Variants in LINC00305 observed in about 807,000 individuals in gnomAD.
LINC00305 encodes long intergenic non-protein coding RNA 305.
At chr18:64,097,595 A>T (rs1269393085) in intron 3 of LINC00305, among the ~76,000 whole-genome samples, 1 of 151,912 alleles carries the variant, frequency 6.6e-6, no homozygotes, top group Non-Finnish European at 1.5e-5. Context: ...AAAGTAGAAT[A>T]TATATAAAAT....
chr18:64,081,040 A>G (rs2051183133), intron 3 of LINC00305, among the ~76,000 whole-genome samples: 1 of 152,254 alleles, frequency 6.6e-6, no homozygotes, highest in Admixed American at 6.5e-5. Flanking sequence ...AGTATTGAAA[A>G]TAGGGATAAA....
intron 1 of LINC00305, among the ~76,000 whole-genome samples, chr18:64,138,932 G>A (rs956701387): frequency 2.6e-5 from 4 of 152,100 alleles, no homozygotes; most frequent in Admixed American, 6.6e-5. Flanking sequence ...GAGTATGTGC[G>A]GGGCACAGCC....
At chr18:64,113,875 T>C (rs1043312568) in intron 1 of LINC00305, among the ~76,000 whole-genome samples, 1 of 152,220 alleles carries the variant, frequency 6.6e-6, no homozygotes, top group Non-Finnish European at 1.5e-5. Flanking sequence ...ACACTGAAAC[T>C]TGTAATTCTC....
intron 1 of LINC00305, among the ~76,000 whole-genome samples, chr18:64,144,357 G>A (rs1213411262): frequency 6.6e-6 from 1 of 152,172 alleles, no homozygotes; most frequent in Non-Finnish European, 1.5e-5. Context: ...ACAAAGGAGA[G>A]TAGGGGCATT....
intron 3 of LINC00305, among the ~76,000 whole-genome samples, chr18:64,084,104 C>G (rs1375697225): frequency 6.6e-6 from 1 of 152,188 alleles, no homozygotes; most frequent in African/African-American, 2.4e-5. Context: ...CACCTTGAAG[C>G]TAGTTCCCTT....
intron 3 of LINC00305, among the ~76,000 whole-genome samples, chr18:64,094,237 C>T (rs1256239637): frequency 6.6e-6 from 1 of 152,164 alleles, no homozygotes; most frequent in Non-Finnish European, 1.5e-5. Context: ...ATAATTTCTG[C>T]TGGAAGAGAG....
At chr18:64,100,745 A>T (rs964536573) in intron 1 of LINC00305, among the ~76,000 whole-genome samples, 3 of 152,188 alleles carry the variant, frequency 2.0e-5, no homozygotes, top group Admixed American at 1.3e-4. Context: ...AGACTCGTGC[A>T]CCTGTGTGTC....
At chr18:64,119,383 G>A (rs914597556) in intron 1 of LINC00305, among the ~76,000 whole-genome samples, 2 of 152,138 alleles carry the variant, frequency 1.3e-5, no homozygotes, top group African/African-American at 4.8e-5. Context: ...TTAGGTTGGA[G>A]ACTAGATTGA....
At chr18:64,109,434 T>C (rs1022388739) in intron 1 of LINC00305, among the ~76,000 whole-genome samples, 3 of 152,216 alleles carry the variant, frequency 2.0e-5, no homozygotes, top group Admixed American at 2.0e-4. Flanking sequence ...GGAATTACAA[T>C]TGGAACTAAC....
chr18:64,088,621 A>G (rs983975513), intron 3 of LINC00305, among the ~76,000 whole-genome samples: 1 of 152,226 alleles, frequency 6.6e-6, no homozygotes, highest in Non-Finnish European at 1.5e-5. Flanking sequence ...GTAATCATAC[A>G]TGGATTTGTC....
intron 1 of LINC00305, chr18:64,098,682 T>C: frequency 2.4e-6 from 1 of 415,410 alleles, no homozygotes; most frequent in African/African-American, 2.1e-5. Flanking sequence ...TTTCAGTGAA[T>C]GCTGCAAAAC....
chr18:64,080,596 T>C (rs931596758), intron 3 of LINC00305, among the ~76,000 whole-genome samples: 1 of 152,190 alleles, frequency 6.6e-6, no homozygotes, highest in Non-Finnish European at 1.5e-5. Context: ...GATTTTATCA[T>C]AGAATTAGTC....
intron 3 of LINC00305, among the ~76,000 whole-genome samples, chr18:64,090,553 A>G (rs551896983): frequency 2.6e-5 from 4 of 152,308 alleles, no homozygotes; most frequent in Admixed American, 1.3e-4. Context: ...GCTTTTTTCA[A>G]TTGATCAGTA....
At chr18:64,092,496 A>G (rs946152270) in intron 3 of LINC00305, among the ~76,000 whole-genome samples, 1 of 151,916 alleles carries the variant, frequency 6.6e-6, no homozygotes, top group African/African-American at 2.4e-5. Flanking sequence ...CGGGAGGCAG[A>G]GGTTGCACTG....
intron 1 of LINC00305, among the ~76,000 whole-genome samples, chr18:64,128,150 C>T (rs1222102743): frequency 6.6e-6 from 1 of 152,000 alleles, no homozygotes; most frequent in Non-Finnish European, 1.5e-5. Flanking sequence ...AAATGAACAA[C>T]CCAAGTCACT....
intron 1 of LINC00305, among the ~76,000 whole-genome samples, chr18:64,139,287 A>G (rs2051449916): frequency 6.6e-6 from 1 of 152,332 alleles, no homozygotes; most frequent in East Asian, 1.9e-4. Flanking sequence ...TGCTGTGCCT[A>G]TTCACATAAT....
chr18:64,103,190 CCACGTGTGT>C (rs1259089307), intron 1 of LINC00305, among the ~76,000 whole-genome samples: 1 of 152,154 alleles, frequency 6.6e-6, no homozygotes, highest in African/African-American at 2.4e-5. Context: ...ATACATTTGT[CCACGTGTGT>C]CTGCCATTTT....
intron 1 of LINC00305, among the ~76,000 whole-genome samples, chr18:64,138,694 G>A (rs892704858): frequency 2.6e-5 from 4 of 152,006 alleles, no homozygotes; most frequent in African/African-American, 9.7e-5. Context: ...ATTCAGCAGC[G>A]GGTTTGGTGC....
chr18:64,097,348 C>T (rs1568105974), intron 3 of LINC00305, among the ~76,000 whole-genome samples: 2 of 152,018 alleles, frequency 1.3e-5, no homozygotes, highest in Non-Finnish European at 2.9e-5. Flanking sequence ...ACCAAAGAGT[C>T]TGCCCCACCA....
Sources: allele counts gnomAD v4.1 joint callset (sites outside exome capture counted in the v4.1 genomes callset), GRCh38; gene constraint gnomAD v4.1.1; transcripts MANE v1.5; gene names NCBI Gene and HGNC (gene_info 2026-07-23, HGNC 2026-07-21).